C1orf87: variants seen among roughly 807,000 people sequenced by gnomAD.
The protein encoded by C1orf87 is uncharacterized protein C1orf87.
In C1orf87, 58 loss-of-function variants were observed where a neutral mutation model predicts 60.5. The ratio of observed to expected loss-of-function variants is 0.96; its 90% CI spans 0.78 to 1.19. The LOEUF is 1.19. Ranked by LOEUF, C1orf87 falls within the 50% of genes most tolerant of loss-of-function variation. C1orf87 has a pLI of 0.00. For missense variants in C1orf87, 673 were observed against 638.6 expected (o/e 1.05, Z -0.58); for synonymous variants, 236 against 227.4 (o/e 1.04, Z -0.34).
chr1:59,992,224 CTATTTATTTATTTATT>C lies in C1orf87; in HGVS notation c.1481-1407_1481-1392del, dbSNP rs71582609. The stretch of plus-strand genomic sequence containing the variant: ...AAAAGAGATTGCTTCAAGTAGGGGT[CTATTTATTTATTTATT>C]TATTTATTTATTTATTTATTTATTT... On this transcript the variant is annotated intron_variant, in intron 11 of 11. Coordinates refer to ENST00000371201, the MANE Select transcript of C1orf87 (RefSeq NM_152377.3). Among the ~76,000 whole-genome samples, 58 of 143,642 alleles carry C rather than the reference CTATTTATTTATTTATT, an allele frequency of 4.0e-4. No individual in the cohort carries two copies. The East Asian group carries it at 8.5e-3, about 21-fold the overall frequency. 94.2% of individuals were successfully genotyped at this position (143,642 alleles called of 152,430 possible).
chr1:60,003,858 T>C (rs1645024777), intron 9 of C1orf87, among the ~76,000 whole-genome samples: 1 of 152,068 alleles, frequency 6.6e-6, no homozygotes, highest in African/African-American at 2.4e-5. Context: ...AGAGGAGTAA[T>C]TTTTCTCTGT....
intron 7 of C1orf87, among the ~76,000 whole-genome samples, chr1:60,028,661 A>G (rs149292799): frequency 6.6e-6 from 1 of 152,294 alleles, no homozygotes; most frequent in East Asian, 1.9e-4. Flanking sequence ...CTTTTCCCAC[A>G]GATAGCTCCA....
At chr1:60,064,231 TA>T (rs1349447510) in intron 2 of C1orf87, among the ~76,000 whole-genome samples, 1 of 147,328 alleles carries the variant, frequency 6.8e-6, no homozygotes, top group Non-Finnish European at 1.5e-5. Flanking sequence ...TAATACTTAA[TA>T]AACTCCCCTT....
intron 3 of C1orf87, among the ~76,000 whole-genome samples, chr1:60,041,563 A>T (rs1415867450): frequency 6.6e-6 from 1 of 152,218 alleles, no homozygotes; most frequent in African/African-American, 2.4e-5. Context: ...ATTATACTCT[A>T]GGAGTAATGT....
intron 6 of C1orf87, among the ~76,000 whole-genome samples, chr1:60,037,391 A>G (rs536072210): frequency 6.6e-6 from 1 of 152,330 alleles, no homozygotes; most frequent in Admixed American, 6.5e-5. Flanking sequence ...TCATTTATAA[A>G]GAACAGATAT....
intron 2 of C1orf87, among the ~76,000 whole-genome samples, chr1:60,061,714 A>C (rs1645497488): frequency 6.7e-6 from 1 of 148,768 alleles, no homozygotes; most frequent in South Asian, 2.2e-4. Flanking sequence ...CTAGGTAAGA[A>C]GATCACTTGA....
intron 10 of C1orf87, 23 bp downstream of exon 10, chr1:60,001,054 C>G (rs1644999511): frequency 1.9e-6 from 3 of 1,590,936 alleles, no homozygotes; most frequent in Non-Finnish European, 2.6e-6. Context: ...TTCCCCCAAA[C>G]TCTATATACC....
intron 8 of C1orf87, among the ~76,000 whole-genome samples, 178 bp from the exon 9 acceptor site, chr1:60,010,634 A>G (rs1416159954): frequency 6.6e-6 from 1 of 151,998 alleles, no homozygotes; most frequent in Non-Finnish European, 1.5e-5. Context: ...AAGGGCTTTG[A>G]TATAGGGAAT....
In C1orf87 at chr1:60,067,645, G is replaced by A. The variant is rs1209686263; in HGVS notation, c.107+4892C>T. 2.8e-5 allele frequency among the ~76,000 whole-genome samples: 4 copies of A among 144,800 alleles called. No homozygotes were observed. In the East Asian group the frequency reaches 6.3e-4, roughly 23 times the overall value. 95.0% of individuals were successfully genotyped at this position (144,800 alleles called of 152,430 possible). On this transcript the variant is annotated intron_variant, in intron 2 of 11. Transcript: ENST00000371201. ...TAGCCCTTTGTCAGATGGATAGATCGCAAAAATTTTCTCCCTTTCTGTAGG... is the reference window on the plus strand; with the variant it reads ...TAGCCCTTTGTCAGATGGATAGATCACAAAAATTTTCTCCCTTTCTGTAGG...
chr1:60,039,822 G>A, intron 5 of C1orf87, 95 bp downstream of exon 5: 2 of 1,354,436 alleles, frequency 1.5e-6, no homozygotes, highest in Non-Finnish European at 2.0e-6. Context: ...AAAGTTATTT[G>A]CAAGAAAGTA....
chr1:60,035,571 T>C (rs531476279), intron 6 of C1orf87, among the ~76,000 whole-genome samples: 1 of 152,346 alleles, frequency 6.6e-6, no homozygotes, highest in African/African-American at 2.4e-5. Flanking sequence ...ATAGCCTGGC[T>C]TTATTACAGG....
In C1orf87 at chr1:60,001,058, A is replaced by G; in HGVS notation, c.1272+19T>C. On this transcript the variant is annotated intron_variant, in intron 10 of 11. Coordinates refer to ENST00000371201, the MANE Select transcript of C1orf87 (RefSeq NM_152377.3). ...CCATGAAAACCTTCCCCCAAACTCT[A>G]TATACCCCAGGTGCATACCATATGT... The G allele has an allele frequency of 1.3e-6, 2 of 1,595,362 alleles. No individual in the cohort carries two copies. Among genetic ancestry groups the G allele is most frequent in the Non-Finnish European group, 8.6e-7 (1 of 1,165,078 alleles).
intron 3 of C1orf87, among the ~76,000 whole-genome samples, chr1:60,052,725 A>G (rs535649274): frequency 6.6e-6 from 1 of 152,298 alleles, no homozygotes; most frequent in South Asian, 2.1e-4. Context: ...CCAGGCAGGA[A>G]AGCTTATTTT....
At chr1:60,024,005 T>C (rs1645181912) in intron 8 of C1orf87, among the ~76,000 whole-genome samples, 1 of 152,220 alleles carries the variant, frequency 6.6e-6, no homozygotes, top group South Asian at 2.1e-4. Flanking sequence ...TTATCTTTCA[T>C]TATGTTCATG....
intron 2 of C1orf87, 87 bp from the exon 3 acceptor site, chr1:60,055,525 G>A (rs1212247128): frequency 8.7e-7 from 1 of 1,151,514 alleles, no homozygotes; most frequent in Non-Finnish European, 1.3e-6. Context: ...TGTGTTTGGT[G>A]TTGTGAACAG....
intron 8 of C1orf87, among the ~76,000 whole-genome samples, chr1:60,023,134 G>T (rs1039245097): frequency 3.9e-5 from 6 of 151,960 alleles, no homozygotes; most frequent in Non-Finnish European, 7.4e-5. Context: ...CTTTACCACT[G>T]GGTTAAGCAA....
chr1:60,021,015 T>C (rs949866803), intron 8 of C1orf87, among the ~76,000 whole-genome samples: 18 of 152,176 alleles, frequency 1.2e-4, no homozygotes, highest in African/African-American at 4.3e-4. Context: ...TGAGGTTTGA[T>C]GGTTTAAAAC....
At chr1:59,997,115 CAA>C (rs900447909) in intron 11 of C1orf87, among the ~76,000 whole-genome samples, 3 of 152,058 alleles carry the variant, frequency 2.0e-5, no homozygotes, top group Non-Finnish European at 4.4e-5. Flanking sequence ...AGAGAGGAAA[CAA>C]AGAGCCCAGA....
chr1:60,041,086 C>T lies in C1orf87; in HGVS notation c.388G>A (p.Asp130Asn), dbSNP rs1645321178. 1.9e-6 allele frequency: 3 copies of T among 1,612,492 alleles called. No homozygotes were observed. Among genetic ancestry groups the T allele is most frequent in the Non-Finnish European group, 2.5e-6 (3 of 1,178,870 alleles). ...CCATGCACATAGGATAAGGACTGGT[C>T]TCCGGTTGGTACAGAGCTGCAGTGG... ...NVHCSSVPTGDQSLSYVHGIP... is the reference protein window; with the variant it reads ...NVHCSSVPTGNQSLSYVHGIP... Residue 130 changes from aspartate (D) to asparagine (N), a missense_variant, in exon 4 of 12, where the codon GAC (aspartate) becomes AAC (asparagine). By Grantham distance (23) the Asp-to-Asn change is conservative. Transcript: ENST00000371201.
Sources: gnomAD v4.1 joint callset for allele counts (sites outside exome capture counted in the v4.1 genomes callset) on GRCh38, gnomAD v4.1.1 for gene constraint, MANE v1.5 for transcripts, NCBI Gene and HGNC (gene_info 2026-07-23, HGNC 2026-07-21) for gene names.